SERINC4: variants seen among roughly 807,000 people sequenced by gnomAD.
SERINC4 encodes the protein serine incorporator 4.
A neutral mutation model predicts 52.0 loss-of-function variants in SERINC4; 52 were observed. The observed-to-expected ratio is 1.00, with a 90% CI of 0.80 to 1.26. The LOEUF is 1.26. SERINC4 is among the 50% of genes most tolerant of loss of function. The pLI is 0.00. For synonymous variants in SERINC4, 264 were observed against 247.7 expected, an observed-to-expected ratio of 1.07 and a Z score of -0.62; for missense variants, 723 against 632.8, an observed-to-expected ratio of 1.14 and a Z score of -1.53.
At position 43,795,483 on chromosome 15, in the gene SERINC4, G is replaced by C; in HGVS notation, c.1248C>G (p.Val416=). 1 of 1,614,200 alleles carries C rather than the reference G, an allele frequency of 6.2e-7. No individual in the cohort carries two copies. ...AGTTGTAGGAAAGATGCTGGACTTG[G>C]ACTGGAGGAGCTGGAGGGGTTTCTT... ...ADQETPPAPP[V]QVQHLSYNYS... is the part of the protein sequence containing the mutation. Residue 416 remains valine, a synonymous_variant, in exon 11 of 12, where the codon GTC becomes GTG. Transcript: ENST00000319327.
intron 1 of SERINC4, 30 bp from the exon 2 acceptor site, chr15:43,799,516 G>C: frequency 6.4e-7 from 1 of 1,550,828 alleles, no homozygotes; most frequent in Non-Finnish European, 8.7e-7. Context: ...AAGGCAGCGA[G>C]GTGGAGACTT....
Position 43,798,436 on chromosome 15 carries a change from T to C in SERINC4, c.527A>G (p.His176Arg), listed in dbSNP as rs2087254259. Residue 176 changes from histidine to arginine, a missense_variant, in exon 4 of 12, where the codon CAT (histidine) becomes CGT (arginine). Physicochemically the swap from His to Arg is conservative, Grantham distance 29 (BLOSUM62 0). Transcript: ENST00000319327. ...CAIAFCIPDE[H>R]LFPAWHYIGI... ...GGGAGGGAGAGTACCTGGGAAGAGA[T>C]GCTCATCAGGAATGCAGAAGGCAAT... The C allele has an allele frequency of 6.2e-7, 1 of 1,612,004 alleles. No individual in the cohort carries two copies.
At position 43,799,122 on chromosome 15, in the gene SERINC4, C is replaced by T. The variant is rs569584101; in HGVS notation, c.295G>A (p.Gly99Arg). The change falls in exon 3 of 12, where the codon GGG becomes AGG. Residue 99 changes from glycine to arginine, a missense_variant. By Grantham distance (125) the Gly-to-Arg change is moderately radical. Coordinates refer to ENST00000319327, the MANE Select transcript of SERINC4 (RefSeq NM_001258031.2). Reference protein sequence around the residue: ...GKTHRIQMPSGLCAHLFGLSD... With the variant: ...GKTHRIQMPSRLCAHLFGLSD... Reference sequence around the variant, plus strand: ...AGGCCAAACAGGTGGGCACACAACCCCGAGGGCATCTGGATCTGGGAGTGT... The same window carrying T: ...AGGCCAAACAGGTGGGCACACAACCTCGAGGGCATCTGGATCTGGGAGTGT... 2 of 1,549,354 alleles carry T rather than the reference C, an allele frequency of 1.3e-6. No individual in the cohort carries two copies. The highest frequency in any genetic ancestry group is 2.4e-5 in the East Asian group (1 of 40,874).
At chr15:43,799,760 T>C in intron 1 of SERINC4, 125 bp downstream of exon 1, 1 of 869,754 alleles carries the variant, frequency 1.1e-6, no homozygotes, top group East Asian at 2.6e-5. Context: ...GGGAGAGATT[T>C]ACAGATTATA....
chr15:43,794,185 C>G lies in SERINC4; in HGVS notation c.*815G>C. The stretch of plus-strand genomic sequence containing the variant: ...AATAAGTGAAACATCACAGAAGAAG[C>G]CTTTATTATACAATGACAACCAAAC... On this transcript the variant is annotated 3_prime_UTR_variant, in exon 12 of 12. Coordinates refer to ENST00000319327, the MANE Select transcript of SERINC4 (RefSeq NM_001258031.2). The G allele has an allele frequency of 1.9e-6, 1 of 537,046 alleles. No homozygotes were observed. The allele number at this position is 537,046 out of a possible 1,614,324, so 33.3% of individuals were successfully genotyped here.
intron 1 of SERINC4, 94 bp downstream of exon 1, chr15:43,799,791 C>G (rs1225589350): frequency 6.8e-6 from 7 of 1,022,478 alleles, no homozygotes; most frequent in African/African-American, 1.6e-5. Context: ...CGAACCAGAA[C>G]GACATTAGAG....
intron 3 of SERINC4, 27 bp from the exon 4 acceptor site, chr15:43,798,531 G>C (rs2087256133): frequency 6.4e-7 from 1 of 1,558,744 alleles, no homozygotes; most frequent in Non-Finnish European, 8.9e-7. Flanking sequence ...AAGAAAAACA[G>C]ACTCAGGAGA....
chr15:43,799,773 TG>T, intron 1 of SERINC4, 111 bp downstream of exon 1: 1 of 917,808 alleles, frequency 1.1e-6, no homozygotes, highest in Non-Finnish European at 1.7e-6. Flanking sequence ...AGATTATACC[TG>T]GGGCAACGAA....
intron 9 of SERINC4, 177 bp downstream of exon 9, chr15:43,795,978 T>A: frequency 1.5e-6 from 1 of 649,850 alleles, no homozygotes; most frequent in South Asian, 1.9e-5. Context: ...TTGTGAGGGT[T>A]AAATTAAATG....
Position 43,798,512 on chromosome 15 carries a change from G to C in SERINC4, c.459-8C>G. 1 of 1,608,360 alleles carries C rather than the reference G, an allele frequency of 6.2e-7. No homozygotes were observed. Among genetic ancestry groups the C allele is most frequent in the Non-Finnish European group, 8.5e-7 (1 of 1,174,830 alleles). ...AGCTTGAGGAGCCAGAAGCTGGTTA[G>C]GAGGGAGAAAGAAAAACAGACTCAG... is the stretch of plus-strand genomic sequence containing the variant. On this transcript the variant is annotated splice_region_variant and splice_polypyrimidine_tract_variant and intron_variant, in intron 3 of 11. Coordinates refer to ENST00000319327, the MANE Select transcript of SERINC4 (RefSeq NM_001258031.2).
chr15:43,796,466 A>G (rs756314603), intron 8 of SERINC4, 150 bp downstream of exon 8: 21 of 878,032 alleles, frequency 2.4e-5, no homozygotes, highest in Non-Finnish European at 3.8e-5. Flanking sequence ...ACAAAGTACT[A>G]TTCTTAGAAT....
In SERINC4 at chr15:43,799,625, T is replaced by G. The variant is rs1181318170; in HGVS notation, c.103-139A>C. The G allele has an allele frequency of 8.0e-6, 9 of 1,130,764 alleles. No homozygotes were observed. The East Asian group carries it at 2.0e-4, about 26-fold the overall frequency. 70.0% of individuals were successfully genotyped at this position (1,130,764 alleles called of 1,614,324 possible). A position where few individuals can be genotyped will look rare whatever the true frequency, so the allele number is the denominator to read the frequency against. ...CTTTCTTCCTTTTACTCAGGTTCTGTTTCAAGCTGATTCCAGCCATTTGGG... is the reference window on the plus strand; with the variant it reads ...CTTTCTTCCTTTTACTCAGGTTCTGGTTCAAGCTGATTCCAGCCATTTGGG... On this transcript the variant is annotated intron_variant, in intron 1 of 11. Coordinates refer to ENST00000319327, the MANE Select transcript of SERINC4 (RefSeq NM_001258031.2).
In SERINC4 at chr15:43,799,146, G is replaced by T; in HGVS notation, c.280-9C>A. The T allele has an allele frequency of 6.5e-7, 1 of 1,545,682 alleles. No homozygotes were observed. The highest frequency in any genetic ancestry group is 8.8e-7 in the Non-Finnish European group (1 of 1,142,812). ...CCCGAGGGCATCTGGATCTGGGAGT[G>T]TGTGTGAGAGAAATGGCAGGACAAG... is the stretch of plus-strand genomic sequence containing the variant. On this transcript the variant is annotated splice_polypyrimidine_tract_variant and intron_variant, in intron 2 of 11. Transcript: ENST00000319327.
Position 43,799,409 on chromosome 15 carries a change from G to A in SERINC4, c.180C>T (p.Ser60=), listed in dbSNP as rs551332422. The A allele has an allele frequency of 4.7e-5, 73 of 1,550,906 alleles. No individual in the cohort carries two copies. The African/African-American group carries it at 8.9e-4, about 19-fold the overall frequency. The change falls in exon 2 of 12, where the codon AGC becomes AGT. Residue 60 remains serine, a synonymous_variant. Coordinates refer to ENST00000319327, the MANE Select transcript of SERINC4 (RefSeq NM_001258031.2). ...CATGGAGGAGGATGTAGAACAGGCG[G>A]CTGCAAGTGGATGCGGTGAGAGAGG... ...RWPSLTASTC[S]RLFYILLHVG...
intron 5 of SERINC4, 121 bp from the exon 6 acceptor site, chr15:43,797,477 C>T: frequency 1.4e-6 from 1 of 699,640 alleles, no homozygotes; most frequent in Non-Finnish European, 2.4e-6. Context: ...ACTGCAACCT[C>T]CGCCTCTTGG....
At position 43,796,284 on chromosome 15, in the gene SERINC4, A is replaced by G. The variant is rs2087214494; in HGVS notation, c.1068-57T>C. ...AGTTAAATAGGGATTATCTGGGGGC[A>G]TTTACTACCAATTGGTCCATACTGG... On this transcript the variant is annotated intron_variant, in intron 8 of 11. Coordinates refer to ENST00000319327, the MANE Select transcript of SERINC4 (RefSeq NM_001258031.2). 3 of 1,326,618 alleles carry G rather than the reference A, an allele frequency of 2.3e-6. 1 individual carries two copies. In the South Asian group the frequency reaches 3.5e-5, roughly 16 times the overall value. The allele number at this position is 1,326,618 out of a possible 1,614,324, so 82.2% of individuals were successfully genotyped here.
At position 43,798,497 on chromosome 15, in the gene SERINC4, G is replaced by C; in HGVS notation, c.466C>G (p.Leu156Val). 6 of 1,612,446 alleles carry C rather than the reference G, an allele frequency of 3.7e-6. No individual in the cohort carries two copies. The highest frequency in any genetic ancestry group is 5.1e-6 in the Non-Finnish European group (6 of 1,178,482). ...PRAQLHNSFWLLKLLFLLGLC... is the reference protein window; with the variant it reads ...PRAQLHNSFWVLKLLFLLGLC... ...CCTAACAGGAACAGCAGCTTGAGGAGCCAGAAGCTGGTTAGGAGGGAGAAA... is the reference window on the plus strand; with the variant it reads ...CCTAACAGGAACAGCAGCTTGAGGACCCAGAAGCTGGTTAGGAGGGAGAAA... Residue 156 changes from leucine to valine, a missense_variant, in exon 4 of 12, where the codon CTC (leucine) becomes GTC (valine). Coordinates refer to ENST00000319327, the MANE Select transcript of SERINC4 (RefSeq NM_001258031.2).
At position 43,799,924 on chromosome 15, in the gene SERINC4, G is replaced by A. The variant is rs761257140; in HGVS notation, c.63C>T (p.Ser21=). ...GTSLGLAQQH[S]GGSSVLVKSP... ...TTTTCACTAGGACACTGCTGCCTCC[G>A]CTGTGCTGCTGTGCCAGGCCCAGGG... The change falls in exon 1 of 12, where the codon AGC becomes AGT. Residue 21 remains serine (S), a synonymous_variant. Transcript: ENST00000319327. 1 of 1,549,522 alleles carries A rather than the reference G, an allele frequency of 6.5e-7. No homozygotes were observed. Among genetic ancestry groups the A allele is most frequent in the South Asian group, 1.2e-5 (1 of 83,918 alleles).
chr15:43,796,511 G>T, intron 8 of SERINC4, 105 bp downstream of exon 8: 1 of 1,284,342 alleles, frequency 7.8e-7, no homozygotes, highest in Non-Finnish European at 1.1e-6. Flanking sequence ...TCTCACTCTA[G>T]TCTTGCTCTA....
Sources: allele counts gnomAD v4.1 joint callset, GRCh38; gene constraint gnomAD v4.1.1; transcripts MANE v1.5; gene names NCBI Gene and HGNC (gene_info 2026-07-23, HGNC 2026-07-21).